CCDC192: variants seen among roughly 807,000 people sequenced by gnomAD.
CCDC192 encodes coiled-coil domain containing 192.
At chr5:127,808,632 T>G (rs1580693391) in intron 5 of CCDC192, among the ~76,000 whole-genome samples, 1 of 152,178 alleles carries the variant, frequency 6.6e-6, no homozygotes, top group African/African-American at 2.4e-5. Context: ...GCAGAGTGAG[T>G]CTTTCCCTCT....
In CCDC192 at chr5:127,717,244, CA is replaced by C. The variant is rs375138274; in HGVS notation, c.114+9488del. Among the ~76,000 whole-genome samples, 136 of 152,202 alleles carry C rather than the reference CA, an allele frequency of 8.9e-4. 3 individuals carry two copies. In the East Asian group the frequency reaches 0.025, roughly 28 times the overall value. On this transcript the variant is annotated intron_variant, in intron 2 of 6. Transcript: ENST00000514853. The stretch of plus-strand genomic sequence containing the variant: ...AATTTTAAGAATTTACTTTTTGCCA[CA>C]AAAGGACACAAATAGTATGTAAATT...
rs189621933 is a variant in CCDC192, at chr5:127,775,519, C to T, written c.222+21144C>T. Among the ~76,000 whole-genome samples, 604 of 152,322 alleles carry T rather than the reference C, an allele frequency of 4.0e-3. 3 individuals are homozygous for T. The highest frequency in any genetic ancestry group is 6.5e-3 in the Non-Finnish European group (443 of 68,036). ...CCCCTGTGGTGTAGCATGCTACCTC[C>T]TCTTGGGAACTGAGTGACAGACTAC... is the stretch of plus-strand genomic sequence containing the variant. On this transcript the variant is annotated intron_variant, in intron 3 of 6. Coordinates refer to ENST00000514853, the MANE Select transcript of CCDC192 (RefSeq NM_001317938.2).
At chr5:127,848,702 T>TTAA (rs1303255120) in intron 5 of CCDC192, among the ~76,000 whole-genome samples, 1 of 152,220 alleles carries the variant, frequency 6.6e-6, no homozygotes, top group East Asian at 1.9e-4. Context: ...TTCTTATGAG[T>TTAA]TAATATATGT....
Position 127,849,211 on chromosome 5 carries a change from G to A in CCDC192, c.412-26327G>A, listed in dbSNP as rs184608184. 8.5e-4 allele frequency among the ~76,000 whole-genome samples: 130 copies of A among 152,276 alleles called. 1 individual carries two copies. The East Asian group carries it at 0.021, about 24-fold the overall frequency. ...CATGCCACTGCACTCCAGCCTAGGCGAAAGAGTGAGACTCTGTCTCAAAAA... is the reference window on the plus strand; with the variant it reads ...CATGCCACTGCACTCCAGCCTAGGCAAAAGAGTGAGACTCTGTCTCAAAAA... On this transcript the variant is annotated intron_variant, in intron 5 of 6. Transcript: ENST00000514853.
At chr5:127,772,399 G>A (rs553187461) in intron 3 of CCDC192, among the ~76,000 whole-genome samples, 9 of 151,314 alleles carry the variant, frequency 5.9e-5, no homozygotes, top group African/African-American at 2.2e-4. Flanking sequence ...GGGGGGGTGC[G>A]GACGTTGAGG....
intron 2 of CCDC192, among the ~76,000 whole-genome samples, chr5:127,732,990 C>T (rs532419984): frequency 6.6e-6 from 1 of 152,182 alleles, no homozygotes; most frequent in African/African-American, 2.4e-5. Context: ...CACATGTACC[C>T]TGGAACTTAA....
intron 6 of CCDC192, among the ~76,000 whole-genome samples, chr5:127,935,962 A>G (rs944849966): frequency 6.6e-6 from 1 of 151,922 alleles, no homozygotes; most frequent in African/African-American, 2.4e-5. Flanking sequence ...AAATTATCCG[A>G]GTGTGGTGGC....
intron 2 of CCDC192, among the ~76,000 whole-genome samples, chr5:127,715,943 T>C (rs1189197883): frequency 6.6e-6 from 1 of 152,196 alleles, no homozygotes; most frequent in Non-Finnish European, 1.5e-5. Context: ...TGAATAAAAT[T>C]AGTAAAAGTG....
chr5:127,805,762 G>A (rs945248242), intron 5 of CCDC192, among the ~76,000 whole-genome samples: 3 of 152,156 alleles, frequency 2.0e-5, no homozygotes, highest in African/African-American at 7.2e-5. Context: ...ATTAAAATGA[G>A]CCCCTCTCTG....
intron 5 of CCDC192, among the ~76,000 whole-genome samples, chr5:127,811,299 C>T (rs187910832): frequency 8.2e-4 from 125 of 152,282 alleles, no homozygotes; most frequent in Middle Eastern, 3.4e-3. Context: ...GGTTTCCCAA[C>T]CAAAGGCTTT....
At chr5:127,918,424 T>C (rs1201780322) in intron 6 of CCDC192, among the ~76,000 whole-genome samples, 4 of 152,084 alleles carry the variant, frequency 2.6e-5, no homozygotes. Context: ...ATAAGAAGAA[T>C]CAAGCATTTG....
chr5:127,913,278 A>T (rs1343180898), intron 6 of CCDC192, among the ~76,000 whole-genome samples: 1 of 152,210 alleles, frequency 6.6e-6, no homozygotes, highest in Non-Finnish European at 1.5e-5. Context: ...TGCAGATGCC[A>T]CTTTACCATA....
At chr5:127,938,108 T>C (rs1293136466) in intron 6 of CCDC192, among the ~76,000 whole-genome samples, 2 of 152,214 alleles carry the variant, frequency 1.3e-5, no homozygotes, top group African/African-American at 4.8e-5. Context: ...CTACTCCTGA[T>C]GAAACTCACT....
At chr5:127,937,518 C>T (rs1754219172) in intron 6 of CCDC192, among the ~76,000 whole-genome samples, 1 of 152,142 alleles carries the variant, frequency 6.6e-6, no homozygotes, top group African/African-American at 2.4e-5. Flanking sequence ...ATAAAGGTGG[C>T]CAGGAAGAGA....
At chr5:127,875,833 T>C (rs930265376) in intron 6 of CCDC192, among the ~76,000 whole-genome samples, 172 bp downstream of exon 6, 14 of 151,950 alleles carry the variant, frequency 9.2e-5, no homozygotes, top group African/African-American at 3.1e-4. Flanking sequence ...ACTTTCACCT[T>C]GAGAGGGGCA....
intron 6 of CCDC192, among the ~76,000 whole-genome samples, chr5:127,883,652 T>G (rs1429926724): frequency 1.3e-5 from 2 of 152,210 alleles, no homozygotes; most frequent in African/African-American, 4.8e-5. Context: ...CTGCAGAGCT[T>G]AGAGATTTAT....
intron 2 of CCDC192, among the ~76,000 whole-genome samples, chr5:127,729,054 A>T (rs529313668): frequency 6.6e-6 from 1 of 152,088 alleles, no homozygotes; most frequent in East Asian, 1.9e-4. Flanking sequence ...CTACAGGTGC[A>T]TGCCACCACG....
At chr5:127,826,299 C>G (rs1749530779) in intron 5 of CCDC192, among the ~76,000 whole-genome samples, 1 of 152,052 alleles carries the variant, frequency 6.6e-6, no homozygotes, top group African/African-American at 2.4e-5. Context: ...GCTGGCGAGG[C>G]TGCAAAGGAA....
At chr5:127,938,442 A>G (rs1453009803) in intron 6 of CCDC192, among the ~76,000 whole-genome samples, 3 of 152,186 alleles carry the variant, frequency 2.0e-5, no homozygotes, top group Non-Finnish European at 2.9e-5. Context: ...GGTTAACTAG[A>G]GCCATCTCCA....
Sources: gnomAD v4.1 joint callset for allele counts (sites outside exome capture counted in the v4.1 genomes callset) on GRCh38, gnomAD v4.1.1 for gene constraint, MANE v1.5 for transcripts, NCBI Gene and HGNC (gene_info 2026-07-23, HGNC 2026-07-21) for gene names.